The following KCNG4 variants were observed in gnomAD, a reference collection of about 807,000 sequenced individuals.
KCNG4 encodes the protein voltage-gated potassium channel regulatory subunit KCNG4.
A neutral mutation model predicts 28.2 loss-of-function variants in KCNG4; 30 were observed. That is an observed-to-expected ratio of 1.06 (90% confidence interval 0.80 to 1.44). The LOEUF (loss-of-function observed/expected upper bound fraction) is 1.44, where lower values mean the gene tolerates loss of function less well. Ranked by LOEUF, KCNG4 falls within the 40% of genes most tolerant of loss-of-function variation. The pLI, the probability that KCNG4 is intolerant of heterozygous loss-of-function variation, is 0.00. For synonymous variants in KCNG4, 375 were observed against 315.5 expected (o/e 1.19, Z -2.00); for missense variants, 879 against 712.3 (o/e 1.23, Z -2.66).
intron 2 of KCNG4, among the ~76,000 whole-genome samples, chr16:84,230,434 T>C (rs1904800977): frequency 1.6e-5 from 2 of 121,464 alleles, no homozygotes; most frequent in African/African-American, 6.4e-5. Context: ...AAGCCAGGCA[T>C]GGTGGTGGGC....
chr16:84,238,891 T>A (rs1414486373), intron 1 of KCNG4, among the ~76,000 whole-genome samples: 2 of 151,052 alleles, frequency 1.3e-5, no homozygotes, highest in Admixed American at 1.3e-4. Context: ...CAAAAAAAAA[T>A]GACGGGGCCT....
At chr16:84,229,885 G>C (rs1012597908) in intron 2 of KCNG4, among the ~76,000 whole-genome samples, 2 of 152,232 alleles carry the variant, frequency 1.3e-5, no homozygotes, top group Admixed American at 6.5e-5. Context: ...ATTCGCTAGA[G>C]CAATTACCAA....
intron 2 of KCNG4, among the ~76,000 whole-genome samples, chr16:84,229,202 G>T (rs528291396): frequency 7.5e-4 from 114 of 152,030 alleles, no homozygotes; most frequent in African/African-American, 2.6e-3. Context: ...GGAGGCTGAG[G>T]CATGAGAATC....
intron 2 of KCNG4, among the ~76,000 whole-genome samples, chr16:84,231,720 G>A (rs1904831805): frequency 6.6e-6 from 1 of 152,162 alleles, no homozygotes; most frequent in Non-Finnish European, 1.5e-5. Flanking sequence ...AGTGAGAGTC[G>A]GGGTCGGGCG....
At chr16:84,230,075 A>G (rs999408238) in intron 2 of KCNG4, among the ~76,000 whole-genome samples, 1 of 151,930 alleles carries the variant, frequency 6.6e-6, no homozygotes, top group Non-Finnish European at 1.5e-5. Context: ...CATCCCGGGG[A>G]GGAGGCCCCA....
At chr16:84,232,615 G>A (rs1904852222) in intron 2 of KCNG4, among the ~76,000 whole-genome samples, 1 of 152,116 alleles carries the variant, frequency 6.6e-6, no homozygotes, top group African/African-American at 2.4e-5. Context: ...AATGAAGCAG[G>A]GGGCTGGGGT....
At chr16:84,233,745 G>A (rs1455099412) in intron 2 of KCNG4, among the ~76,000 whole-genome samples, 2 of 151,652 alleles carry the variant, frequency 1.3e-5, no homozygotes, top group Non-Finnish European at 2.9e-5. Flanking sequence ...GAAAGAGAAG[G>A]AAAGAAGGGA....
rs919282648 is a variant in KCNG4 at position 84,239,944 on chromosome 16, A to G, written c.-315T>C. On this transcript the variant is annotated 5_prime_UTR_variant, in exon 1 of 3. Coordinates refer to ENST00000308251, the MANE Select transcript of KCNG4 (RefSeq NM_172347.3). ...ATTTTTTTTTTTTTTTAAAGGACCC[A>G]GAAGTCCCTTTCCTTATGAGAGATG... is the stretch of plus-strand genomic sequence containing the variant. Among the ~76,000 whole-genome samples the G allele has an allele frequency of 6.6e-6, 1 of 151,496 alleles. No individual in the cohort carries two copies. Among genetic ancestry groups the G allele is most frequent in the Non-Finnish European group, 1.5e-5 (1 of 67,846 alleles).
intron 2 of KCNG4, among the ~76,000 whole-genome samples, chr16:84,225,001 C>T (rs1297534505): frequency 1.3e-5 from 2 of 152,156 alleles, no homozygotes; most frequent in East Asian, 1.9e-4. Flanking sequence ...AGTTGTCTAA[C>T]CTCTGGAGGG....
At chr16:84,234,136 G>A (rs168646) in intron 2 of KCNG4, among the ~76,000 whole-genome samples, 56,545 of 151,982 alleles carry the variant, frequency 0.37, 10,820 homozygotes, top group Non-Finnish European at 0.4. Flanking sequence ...CTCAGGTGCT[G>A]GCTTGGTCCT....
chr16:84,237,999 C>A (rs908590091), intron 1 of KCNG4, among the ~76,000 whole-genome samples: 1 of 152,328 alleles, frequency 6.6e-6, no homozygotes, highest in South Asian at 2.1e-4. Context: ...CGATCCCTTA[C>A]AGACTGCCAG....
chr16:84,229,068 G>C (rs1904764369), intron 2 of KCNG4, among the ~76,000 whole-genome samples: 1 of 152,196 alleles, frequency 6.6e-6, no homozygotes, highest in African/African-American at 2.4e-5. Flanking sequence ...GGAGGCTGAA[G>C]TGGGCAGATC....
chr16:84,237,371 G>T lies in KCNG4; in HGVS notation c.115C>A (p.Leu39Ile). 3 of 1,542,222 alleles carry T rather than the reference G, an allele frequency of 1.9e-6. No individual in the cohort carries two copies. Among genetic ancestry groups the T allele is most frequent in the Non-Finnish European group, 1.7e-6 (2 of 1,146,174 alleles). Residue 39 changes from leucine to isoleucine, a missense_variant, in exon 2 of 3, where the codon CTT (leucine) becomes ATT (isoleucine). By Grantham distance (5) the Leu-to-Ile change is conservative. Coordinates refer to ENST00000308251, the MANE Select transcript of KCNG4 (RefSeq NM_172347.3). The part of the protein sequence containing the change: ...SPMETPSIKG[L>I]YYRRVRKVGA... ...ACCTTCCGCACCCTCCGGTAGTAAA[G>T]GCCCTTGATGGACGGCGTCTCCATG...
At chr16:84,234,051 G>A (rs1490735497) in intron 2 of KCNG4, among the ~76,000 whole-genome samples, 3 of 152,152 alleles carry the variant, frequency 2.0e-5, no homozygotes, top group East Asian at 1.9e-4. Flanking sequence ...AGGAGGCATC[G>A]GTTCTTTCAT....
At chr16:84,232,202 G>C (rs1037929289) in intron 2 of KCNG4, among the ~76,000 whole-genome samples, 3 of 152,092 alleles carry the variant, frequency 2.0e-5, no homozygotes, top group Non-Finnish European at 4.4e-5. Context: ...GTGCTAGATG[G>C]ATAAACCAAT....
rs971575759 is a variant in KCNG4, at chr16:84,222,460, G to A, written c.1317C>T (p.Ile439=). The A allele has an allele frequency of 6.2e-7, 1 of 1,614,074 alleles. No homozygotes were observed. Among genetic ancestry groups the A allele is most frequent in the Non-Finnish European group, 8.5e-7 (1 of 1,180,008 alleles). Residue 439 remains isoleucine, a synonymous_variant, in exon 3 of 3, where the codon ATC becomes ATT. Coordinates refer to ENST00000308251, the MANE Select transcript of KCNG4 (RefSeq NM_172347.3). ...VPGQMVALSS[I]LSGILIMAFP... is the part of the protein sequence containing the mutation. ...AGGCCATGATGAGGATCCCGCTCAG[G>A]ATGCTGCTGAGGGCCACCATCTGGC...
intron 2 of KCNG4, among the ~76,000 whole-genome samples, chr16:84,231,121 G>A (rs749543958): frequency 1.1e-4 from 17 of 152,182 alleles, no homozygotes; most frequent in Admixed American, 4.6e-4. Flanking sequence ...AGGGGGAGCA[G>A]AACAACAAGC....
intron 2 of KCNG4, among the ~76,000 whole-genome samples, chr16:84,234,918 C>T (rs188123408): frequency 3.3e-5 from 5 of 152,290 alleles, no homozygotes; most frequent in South Asian, 4.1e-4. Context: ...ATTATCTAAA[C>T]GGAAACACAG....
intron 2 of KCNG4, among the ~76,000 whole-genome samples, chr16:84,227,794 C>T (rs1339688241): frequency 2.6e-5 from 4 of 152,094 alleles, no homozygotes; most frequent in East Asian, 1.9e-4. Flanking sequence ...CCTGAAAACA[C>T]GATGCTGAGT....
Sources: allele counts gnomAD v4.1 joint callset (sites outside exome capture counted in the v4.1 genomes callset), GRCh38; gene constraint gnomAD v4.1.1; transcripts MANE v1.5; gene names NCBI Gene and HGNC (gene_info 2026-07-23, HGNC 2026-07-21).